KCNT2: variants seen among roughly 807,000 people sequenced by gnomAD.
KCNT2 encodes the protein potassium channel subfamily T member 2.
Under a neutral mutation model 153.8 loss-of-function variants are expected in KCNT2, and 67 were observed. That is an observed-to-expected ratio of 0.44 (90% CI 0.36 to 0.53). KCNT2 has a LOEUF of 0.53. Among genes scored for constraint, KCNT2 ranks in the 20% least tolerant of loss-of-function variants. The pLI, the probability that KCNT2 is intolerant of heterozygous loss-of-function variation, is 0.00. For missense variants in KCNT2, 975 were observed against 1,354.8 expected, an observed-to-expected ratio of 0.72 and a Z score of 4.40; for synonymous variants, 500 against 458.8, an observed-to-expected ratio of 1.09 and a Z score of -1.15.
intron 1 of KCNT2, among the ~76,000 whole-genome samples, chr1:196,565,415 C>T (rs978671716): frequency 6.6e-5 from 10 of 151,530 alleles, no homozygotes; most frequent in Admixed American, 3.9e-4. Flanking sequence ...ATAGAACTGC[C>T]GTGTCATCCC....
chr1:196,562,462 G>A (rs1659540270), intron 1 of KCNT2, among the ~76,000 whole-genome samples: 1 of 151,712 alleles, frequency 6.6e-6, no homozygotes, highest in Admixed American at 6.6e-5. Flanking sequence ...CAAGAGGAGG[G>A]GTCCATTCAG....
chr1:196,498,348 TA>T (rs770907632), intron 1 of KCNT2, among the ~76,000 whole-genome samples: 1 of 152,184 alleles, frequency 6.6e-6, no homozygotes, highest in Non-Finnish European at 1.5e-5. Flanking sequence ...TAGTCTCTTT[TA>T]AATCTTACAG....
intron 27 of KCNT2, among the ~76,000 whole-genome samples, chr1:196,231,183 A>C (rs1653918618): frequency 6.6e-6 from 1 of 151,866 alleles, no homozygotes; most frequent in Non-Finnish European, 1.5e-5. Flanking sequence ...TTTTAGCAAT[A>C]AACTGTTTTT....
At chr1:196,362,101 T>A (rs891787873) in intron 14 of KCNT2, among the ~76,000 whole-genome samples, 2 of 152,140 alleles carry the variant, frequency 1.3e-5, no homozygotes, top group Non-Finnish European at 2.9e-5. Context: ...CATTTGAGCA[T>A]GCTCCCCCAC....
At chr1:196,400,950 G>A (rs2148448175) in intron 12 of KCNT2, among the ~76,000 whole-genome samples, 1 of 151,930 alleles carries the variant, frequency 6.6e-6, no homozygotes, top group South Asian at 2.1e-4. Flanking sequence ...AACAGCACAA[G>A]TTGGCTAAGA....
chr1:196,287,597 A>T (rs1253916992), intron 22 of KCNT2, among the ~76,000 whole-genome samples: 1 of 152,140 alleles, frequency 6.6e-6, no homozygotes, highest in African/African-American at 2.4e-5. Context: ...ACACATCTGA[A>T]TCCTATTGAT....
intron 14 of KCNT2, among the ~76,000 whole-genome samples, chr1:196,369,168 A>G (rs535616380): frequency 2.6e-5 from 4 of 152,286 alleles, no homozygotes; most frequent in East Asian, 3.9e-4. Flanking sequence ...ATGAATTGCT[A>G]AATTTTTAAA....
Position 196,465,330 on chromosome 1 carries a change from T to A in KCNT2, c.601A>T (p.Ile201Phe). 3 of 1,605,120 alleles carry A rather than the reference T, an allele frequency of 1.9e-6. No homozygotes were observed. The highest frequency in any genetic ancestry group is 1.7e-6 in the Non-Finnish European group (2 of 1,172,476). The change falls in exon 8 of 28, where the codon ATT becomes TTT. Residue 201 changes from isoleucine to phenylalanine, a missense_variant. Coordinates refer to ENST00000294725, the MANE Select transcript of KCNT2 (RefSeq NM_198503.5). ...AGGCATAGTAATGTAGATATTAAAA[T>A]CAAAACTTGATTAAACATTGCAGAC... ...TQSAMFNQVL[I>F]LISTLLCLIF...
intron 13 of KCNT2, among the ~76,000 whole-genome samples, chr1:196,392,778 T>G (rs779577102): frequency 6.6e-6 from 1 of 151,508 alleles, no homozygotes; most frequent in Non-Finnish European, 1.5e-5. Context: ...GTGTGTGCAC[T>G]TTAAATATTA....
chr1:196,240,117 C>T (rs1231654620), intron 26 of KCNT2, among the ~76,000 whole-genome samples: 5 of 152,024 alleles, frequency 3.3e-5, no homozygotes, highest in Non-Finnish European at 7.4e-5. Context: ...ACGAATATAA[C>T]TTCTGAAAAC....
rs142132505 is a variant in KCNT2 at position 196,558,380 on chromosome 1, C to CGTGTGT, written c.95+49829_95+49834dup. On this transcript the variant is annotated intron_variant, in intron 1 of 27. Coordinates refer to ENST00000294725, the MANE Select transcript of KCNT2 (RefSeq NM_198503.5). Reference sequence around the variant, plus strand: ...ATAATAATTTGAAAATCTAAAATAACGTGTGTGTGTGTGTGTGTGTGTGGT... The same window carrying CGTGTGT: ...ATAATAATTTGAAAATCTAAAATAACGTGTGTGTGTGTGTGTGTGTGTGTGTGTGGT... Among the ~76,000 whole-genome samples the CGTGTGT allele has an allele frequency of 2.8e-3, 407 of 147,310 alleles. 2 individuals carry two copies. Among genetic ancestry groups the CGTGTGT allele is most frequent in the East Asian group, 0.013 (66 of 5,006 alleles).
chr1:196,379,011 C>T (rs1394105365), intron 13 of KCNT2, among the ~76,000 whole-genome samples: 1 of 151,002 alleles, frequency 6.6e-6, no homozygotes, highest in East Asian at 2.0e-4. Context: ...AATTACATAT[C>T]TCAGTTTCCC....
intron 1 of KCNT2, among the ~76,000 whole-genome samples, chr1:196,591,106 A>C (rs946213104): frequency 2.0e-5 from 3 of 152,018 alleles, no homozygotes; most frequent in Admixed American, 2.0e-4. Context: ...GGCTAATGGG[A>C]GGTGTTTGGG....
rs560695689 is a variant in KCNT2 at position 196,328,251 on chromosome 1, T to C, written c.2104-1362A>G. On this transcript the variant is annotated intron_variant, in intron 18 of 27. Coordinates refer to ENST00000294725, the MANE Select transcript of KCNT2 (RefSeq NM_198503.5). Reference sequence around the variant, plus strand: ...GTAAAGAGTGTAACTCAAAAGATTATTTAAATTACACTTAAGATTCAGCCA... The same window carrying C: ...GTAAAGAGTGTAACTCAAAAGATTACTTAAATTACACTTAAGATTCAGCCA... Among the ~76,000 whole-genome samples the C allele has an allele frequency of 3.9e-3, 595 of 152,162 alleles. 5 individuals are homozygous for C. Among genetic ancestry groups the C allele is most frequent in the Non-Finnish European group, 7.1e-3 (485 of 68,002 alleles).
chr1:196,412,309 T>A (rs1431267119), intron 12 of KCNT2, among the ~76,000 whole-genome samples: 1 of 151,682 alleles, frequency 6.6e-6, no homozygotes, highest in Admixed American at 6.6e-5. Flanking sequence ...ATAAGCTCCA[T>A]GAGAATGGAA....
chr1:196,556,142 C>T (rs768845785), intron 1 of KCNT2, among the ~76,000 whole-genome samples: 19 of 150,920 alleles, frequency 1.3e-4, no homozygotes, highest in South Asian at 2.1e-4. Flanking sequence ...CAAGCAAAAA[C>T]GACAAATAAG....
At chr1:196,460,025 C>T (rs1677011244) in intron 8 of KCNT2, among the ~76,000 whole-genome samples, 1 of 151,708 alleles carries the variant, frequency 6.6e-6, no homozygotes, top group Non-Finnish European at 1.5e-5. Flanking sequence ...CATTTTCTTT[C>T]TAACAGTTTC....
intron 21 of KCNT2, among the ~76,000 whole-genome samples, chr1:196,311,495 G>A (rs1662175274): frequency 6.6e-6 from 1 of 151,844 alleles, no homozygotes; most frequent in African/African-American, 2.4e-5. Flanking sequence ...TCTTACAAGT[G>A]TGGTCAGCTA....
chr1:196,372,692 G>A (rs1318909287), intron 14 of KCNT2, among the ~76,000 whole-genome samples: 1 of 151,754 alleles, frequency 6.6e-6, no homozygotes, highest in East Asian at 1.9e-4. Flanking sequence ...TTATAAAATT[G>A]CCATTTTGAC....
Sources: gnomAD v4.1 joint callset for allele counts (sites outside exome capture counted in the v4.1 genomes callset) on GRCh38, gnomAD v4.1.1 for gene constraint, MANE v1.5 for transcripts, NCBI Gene and HGNC (gene_info 2026-07-23, HGNC 2026-07-21) for gene names.